Variants in RBFOX1 observed in about 807,000 individuals in gnomAD.
The protein encoded by RBFOX1 is RNA binding fox-1 homolog 1, also known as RNA binding protein fox-1 homolog 1.
Under a neutral mutation model 57.7 loss-of-function variants are expected in RBFOX1, and 8 were observed. The ratio of observed to expected loss-of-function variants is 0.14; its 90% confidence interval spans 0.08 to 0.25. The LOEUF (loss-of-function observed/expected upper bound fraction) is 0.25, where lower values mean the gene tolerates loss of function less well. RBFOX1 is among the 10% of genes least tolerant of loss of function. The pLI is 1.00. For missense variants in RBFOX1, 611 were observed against 548.5 expected (o/e 1.11, Z -1.14); for synonymous variants, 326 against 222.4 (o/e 1.47, Z -4.15).
intron 4 of RBFOX1, among the ~76,000 whole-genome samples, chr16:5,975,172 T>A (rs1482374686): frequency 6.6e-6 from 1 of 152,168 alleles, no homozygotes; most frequent in Non-Finnish European, 1.5e-5. Flanking sequence ...GTTGATAAAT[T>A]CCAACAGCCT....
chr16:6,156,252 T>C (rs1007677155), intron 1 of RBFOX1, among the ~76,000 whole-genome samples: 2 of 152,244 alleles, frequency 1.3e-5, no homozygotes, highest in Non-Finnish European at 2.9e-5. Context: ...GTCCGTCACC[T>C]TCCTCACAGT....
At chr16:6,537,110 C>G (rs1322189192) in intron 2 of RBFOX1, among the ~76,000 whole-genome samples, 2 of 151,972 alleles carry the variant, frequency 1.3e-5, no homozygotes, top group Non-Finnish European at 2.9e-5. Flanking sequence ...GCGTTCCATA[C>G]CAGTGTTTCT....
At chr16:5,918,497 G>GTCACCAGC (rs2058755250) in intron 4 of RBFOX1, among the ~76,000 whole-genome samples, 2 of 152,214 alleles carry the variant, frequency 1.3e-5, no homozygotes, top group Non-Finnish European at 2.9e-5. Flanking sequence ...CGTATCGTAA[G>GTCACCAGC]TCACCAGCAC....
Position 6,593,290 on chromosome 16 carries a change from T to G in RBFOX1, c.-63-61313T>G, listed in dbSNP as rs566750947. ...TCATGTATTCCCTAAAATGTATTGC[T>G]CAATACAGGGTGTAAGTTTACCAGG... On this transcript the variant is annotated intron_variant, in intron 2 of 15. Transcript: ENST00000550418. Among the ~76,000 whole-genome samples the G allele has an allele frequency of 2.6e-5, 4 of 152,280 alleles. No individual in the cohort carries two copies. In the East Asian group the frequency reaches 7.7e-4, roughly 29 times the overall value.
chr16:6,726,218 A>G (rs2154169082), intron 3 of RBFOX1, among the ~76,000 whole-genome samples: 1 of 152,182 alleles, frequency 6.6e-6, no homozygotes, highest in East Asian at 1.9e-4. Flanking sequence ...CTAGAATACC[A>G]CTAATTCCTA....
chr16:6,097,486 C>G lies in RBFOX1; in HGVS notation c.-127+77494C>G, dbSNP rs1055301247. The stretch of plus-strand genomic sequence containing the variant: ...ATCCAAACCTACAGAAGCAGAATCT[C>G]TGGTGGCAGGAACCAGCAATCTGTG... On this transcript the variant is annotated intron_variant, in intron 1 of 15. Transcript: ENST00000550418. The surrounding 1 kb of genome is among the most constrained non-coding windows in gnomAD (Gnocchi z 5.0). 1.3e-5 allele frequency among the ~76,000 whole-genome samples: 2 copies of G among 152,188 alleles called. No homozygotes were observed. The highest frequency in any genetic ancestry group is 2.4e-5 in the African/African-American group (1 of 41,458).
intron 3 of RBFOX1, among the ~76,000 whole-genome samples, chr16:6,973,977 T>C (rs1277957348): frequency 1.3e-5 from 2 of 152,146 alleles, no homozygotes; most frequent in African/African-American, 4.8e-5. Context: ...CCTCCCTGTG[T>C]CCATGTGTTC....
rs371874396 is a variant in RBFOX1 at position 5,925,129 on chromosome 16, C to G, written c.351+57794C>G. Among the ~76,000 whole-genome samples, 34 of 152,282 alleles carry G rather than the reference C, an allele frequency of 2.2e-4. 1 individual carries two copies. The South Asian group carries it at 3.7e-3, about 17-fold the overall frequency. On this transcript the variant is annotated intron_variant, in intron 4 of 19. Coordinates refer to the RBFOX1 transcript ENST00000641259. ...CTCTCCTGATTATTGATCCTCAGAT[C>G]CCGATGCCTCTGCAGACAAACTTCC...
At chr16:6,315,143 C>G (rs2080913004) in intron 1 of RBFOX1, among the ~76,000 whole-genome samples, 1 of 152,222 alleles carries the variant, frequency 6.6e-6, no homozygotes, top group Non-Finnish European at 1.5e-5. Flanking sequence ...ACCTGAATTC[C>G]TTGAGGCAGG....
chr16:6,563,276 G>C (rs1567695892), intron 2 of RBFOX1, among the ~76,000 whole-genome samples: 1 of 152,260 alleles, frequency 6.6e-6, no homozygotes, highest in East Asian at 1.9e-4. Context: ...ATTGTCTGTT[G>C]ACATTATTCT....
At chr16:6,332,418 A>T (rs921277019) in intron 2 of RBFOX1, among the ~76,000 whole-genome samples, 1 of 152,196 alleles carries the variant, frequency 6.6e-6, no homozygotes, top group Non-Finnish European at 1.5e-5. Flanking sequence ...GCACAAACAG[A>T]TATTAGAAAG....
intron 4 of RBFOX1, among the ~76,000 whole-genome samples, chr16:7,164,163 C>G (rs565620530): frequency 8.7e-4 from 132 of 152,110 alleles, no homozygotes; most frequent in Non-Finnish European, 1.4e-3. Flanking sequence ...ATCATTCTTA[C>G]GTCTTTGCGT....
intron 3 of RBFOX1, among the ~76,000 whole-genome samples, chr16:5,747,224 G>A (rs1490236121): frequency 2.0e-5 from 3 of 152,214 alleles, no homozygotes; most frequent in Non-Finnish European, 4.4e-5. Flanking sequence ...TTGCATCCCA[G>A]GGTTGAAGCC....
chr16:5,666,032 A>G (rs977931785), intron 3 of RBFOX1, among the ~76,000 whole-genome samples: 3 of 152,262 alleles, frequency 2.0e-5, no homozygotes, highest in Admixed American at 6.5e-5. Context: ...GTCAGAGCCT[A>G]CAAGAGAAAT....
rs374112890 is a variant in RBFOX1 at position 6,807,453 on chromosome 16, G to C, written c.-16+152803G>C. On this transcript the variant is annotated intron_variant, in intron 3 of 15. Coordinates refer to ENST00000550418, the MANE Select transcript of RBFOX1 (RefSeq NM_018723.4). ...GATGGGAAATGCTGGAGGAATGTTG[G>C]AGTAGCACACAGGGCTGGGGTCCTG... 5.9e-5 allele frequency among the ~76,000 whole-genome samples: 9 copies of C among 152,082 alleles called. 1 individual carries two copies. The East Asian group carries it at 1.4e-3, about 23-fold the overall frequency.
chr16:5,956,732 A>G (rs892958), intron 4 of RBFOX1, among the ~76,000 whole-genome samples: 85,491 of 143,444 alleles, frequency 0.6, 25,536 homozygotes, highest in Middle Eastern at 0.66. Context: ...GCACTGGCAC[A>G]ATCATGGCTC....
chr16:5,279,361 G>A (rs1321300012), intron 1 of RBFOX1, among the ~76,000 whole-genome samples: 2 of 151,812 alleles, frequency 1.3e-5, no homozygotes, highest in East Asian at 3.9e-4. Context: ...TATTTTTGTA[G>A]CTATTGTAAA....
intron 2 of RBFOX1, among the ~76,000 whole-genome samples, chr16:6,480,853 T>A (rs1355882540): frequency 6.6e-6 from 1 of 152,242 alleles, no homozygotes; most frequent in East Asian, 1.9e-4. Context: ...AATGGAGGTA[T>A]TCATATGTGG....
intron 3 of RBFOX1, among the ~76,000 whole-genome samples, chr16:6,876,765 A>G (rs2061927560): frequency 6.6e-6 from 1 of 152,050 alleles, no homozygotes; most frequent in Admixed American, 6.5e-5. Flanking sequence ...GCTTTTTCTT[A>G]TTTATATTTG....
Sources: gnomAD v4.1 joint callset for allele counts (sites outside exome capture counted in the v4.1 genomes callset) on GRCh38, gnomAD v4.1.1 for gene constraint, Gnocchi (gnomAD v3.1) non-coding constraint, MANE v1.5 for transcripts, NCBI Gene and HGNC (gene_info 2026-07-23, HGNC 2026-07-21) for gene names.